The following FAT2 variants were observed in gnomAD, a reference collection of about 807,000 sequenced individuals.
FAT2 encodes FAT atypical cadherin 2, also known as protocadherin Fat 2.
FAT2 carries 150 observed loss-of-function variants against 295.3 expected under a neutral mutation model. The observed-to-expected ratio is 0.51, with a 90% confidence interval of 0.44 to 0.58. The LOEUF (loss-of-function observed/expected upper bound fraction) is 0.58, where lower values mean the gene tolerates loss of function less well. Among genes scored for constraint, FAT2 ranks in the 20% least tolerant of loss-of-function variants. The pLI is 0.00. For missense variants in FAT2, 4,868 were observed against 5,442.7 expected (o/e 0.89, Z 3.32); for synonymous variants, 2,026 against 2,150.3 (o/e 0.94, Z 1.60).
At chr5:151,540,826 C>G (rs2127603169) in intron 10 of FAT2, 63 bp from the exon 11 acceptor site, 1 of 1,453,044 alleles carries the variant, frequency 6.9e-7, no homozygotes, top group Non-Finnish European at 9.3e-7. Flanking sequence ...CTTTGTGTCA[C>G]AGGTGGCTGC....
intron 9 of FAT2, among the ~76,000 whole-genome samples, chr5:151,547,826 G>A (rs188002410): frequency 6.6e-6 from 1 of 152,114 alleles, no homozygotes; most frequent in Admixed American, 6.6e-5. Flanking sequence ...AATATGCATA[G>A]GGGAAGATAA....
chr5:151,556,463 G>A, intron 3 of FAT2, 61 bp from the exon 4 acceptor site: 1 of 1,116,396 alleles, frequency 9.0e-7, no homozygotes, highest in Non-Finnish European at 1.3e-6. Context: ...ACTTTACTGA[G>A]GCAACTTCAA....
At chr5:151,570,162 A>G (rs1444654224) in intron 1 of FAT2, among the ~76,000 whole-genome samples, 1 of 152,236 alleles carries the variant, frequency 6.6e-6, no homozygotes, top group Non-Finnish European at 1.5e-5. Flanking sequence ...CCAGGGCCTT[A>G]TAGCTAGTGG....
intron 10 of FAT2, among the ~76,000 whole-genome samples, chr5:151,541,348 CATTT>C (rs1756119338): frequency 6.6e-6 from 1 of 152,216 alleles, no homozygotes; most frequent in Admixed American, 6.5e-5. Context: ...AACATGTTGA[CATTT>C]ATTACTCTAT....
intron 2 of FAT2, among the ~76,000 whole-genome samples, chr5:151,563,853 C>A (rs1029794349): frequency 2.0e-5 from 3 of 152,310 alleles, no homozygotes; most frequent in Non-Finnish European, 2.9e-5. Flanking sequence ...CCTCTCAGAG[C>A]CTTCCTCTGC....
intron 1 of FAT2, among the ~76,000 whole-genome samples, chr5:151,575,910 T>C (rs982966271): frequency 9.2e-5 from 14 of 152,004 alleles, no homozygotes; most frequent in Non-Finnish European, 4.4e-5. Context: ...AATTGAGGAG[T>C]TGAGTTTTTC....
At position 151,542,509 on chromosome 5, in the gene FAT2, A is replaced by C; in HGVS notation, c.8618T>G (p.Phe2873Cys). ...TCCGTGGTCATAGGCCACCACATGA[A>C]AATGATAAGTCTGGCAGGTCTCACA... ...LDCETCQTYH[F>C]HVVAYDHGQT... Residue 2873 changes from phenylalanine to cysteine, a missense_variant, in exon 10 of 24, where the codon TTT (phenylalanine) becomes TGT (cysteine). By Grantham distance (205) the Phe-to-Cys change is radical. This residue lies in a region of FAT2 where 3,297 missense variants were observed against 3,669.4 expected (regional missense o/e 0.90). Transcript: ENST00000261800. 6.2e-7 allele frequency: 1 copy of C among 1,614,170 alleles called. No homozygotes were observed. The highest frequency in any genetic ancestry group is 8.5e-7 in the Non-Finnish European group (1 of 1,180,022).
intron 22 of FAT2, among the ~76,000 whole-genome samples, chr5:151,508,629 G>A (rs1226512026): frequency 1.3e-5 from 2 of 151,760 alleles, no homozygotes; most frequent in Admixed American, 6.6e-5. Context: ...GGAATGGCTT[G>A]AACCTAGGAG....
At position 151,567,951 on chromosome 5, in the gene FAT2, A is replaced by T. The variant is rs369426724; in HGVS notation, c.981T>A (p.His327Gln). 4.2e-5 allele frequency: 67 copies of T among 1,614,104 alleles called. No individual in the cohort carries two copies. Among genetic ancestry groups the T allele is most frequent in the Non-Finnish European group, 5.3e-5 (63 of 1,180,054 alleles). ...TGGCCTGGAGGCTGAGGTTGAACCC[A>T]TGAAGGTACTCCATCCAGTTGATGT... ...VKDINWMEYL[H>Q]GFNLSLQARS... The change falls in exon 2 of 24, where the codon CAT (histidine) becomes CAA (glutamine). Residue 327 changes from histidine (H) to glutamine (Q), a missense_variant. Physicochemically the swap from His to Gln is conservative, Grantham distance 24. Transcript: ENST00000261800.
intron 19 of FAT2, among the ~76,000 whole-genome samples, chr5:151,518,763 G>A (rs2127576964): frequency 6.6e-6 from 1 of 152,338 alleles, no homozygotes; most frequent in Non-Finnish European, 1.5e-5. Context: ...ATCTTTGACT[G>A]TGGGACACTC....
At chr5:151,572,664 T>TA (rs1188727753) in intron 1 of FAT2, among the ~76,000 whole-genome samples, 1 of 152,270 alleles carries the variant, frequency 6.6e-6, no homozygotes, top group Non-Finnish European at 1.5e-5. Flanking sequence ...CACGTTAATG[T>TA]ACTCAGCACA....
At chr5:151,592,495 A>G (rs909379974), upstream of FAT2, among the ~76,000 whole-genome samples, 1 of 152,104 alleles carries the variant, frequency 6.6e-6, no homozygotes, top group African/African-American at 2.4e-5. Context: ...CTTTGCTTGC[A>G]TACCTCTAAT....
chr5:151,565,447 T>A (rs879316819), intron 2 of FAT2, among the ~76,000 whole-genome samples: 1 of 152,070 alleles, frequency 6.6e-6, no homozygotes, highest in Admixed American at 6.5e-5. Flanking sequence ...ACAGAATATG[T>A]AATATATGTG....
Position 151,553,372 on chromosome 5 carries a change from T to G in FAT2, c.3961A>C (p.Ser1321Arg), listed in dbSNP as rs1327104638. ...CTGGCTGAGAGTGGTGGCTGCCCAC[T>G]GTCTGTTGCCTTGATCTGAAAGGAG... ...YNILTIKATD[S>R]GQPPLSASVR... The change falls in exon 6 of 24, where the codon AGT becomes CGT. Residue 1321 changes from serine to arginine, a missense_variant. Around this residue, in one of 5 missense-constraint regions of FAT2, gnomAD observed 3,297 missense variants for 3,669.4 expected, o/e 0.90. Coordinates refer to ENST00000261800, the MANE Select transcript of FAT2 (RefSeq NM_001447.3). 5 of 1,614,206 alleles carry G rather than the reference T, an allele frequency of 3.1e-6. No homozygotes were observed. The highest frequency in any genetic ancestry group is 3.4e-6 in the Non-Finnish European group (4 of 1,180,030).
At position 151,512,063 on chromosome 5, in the gene FAT2, T is replaced by A; in HGVS notation, c.11905+102A>T. 9.0e-7 allele frequency: 1 copy of A among 1,107,298 alleles called. No individual in the cohort carries two copies. Among genetic ancestry groups the A allele is most frequent in the East Asian group, 2.5e-5 (1 of 39,524 alleles). 68.6% of individuals were successfully genotyped at this position (1,107,298 alleles called of 1,614,324 possible). A position where few individuals can be genotyped will look rare whatever the true frequency, so the allele number is the denominator to read the frequency against. ...ACAAGTTAGGGGAAGAGAGAGAAAT[T>A]TGGAACCAGGAGGCTCTGAGATCTC... On this transcript the variant is annotated intron_variant, in intron 21 of 23. Transcript: ENST00000261800. This position sits in a 1 kb window ranked among gnomAD's most constrained non-coding sequence, Gnocchi z 4.1.
chr5:151,544,718 T>G lies in FAT2; in HGVS notation c.6409A>C (p.Asn2137His), dbSNP rs369226014. The G allele has an allele frequency of 2.8e-5, 45 of 1,614,206 alleles. No homozygotes were observed. Among genetic ancestry groups the G allele is most frequent in the Non-Finnish European group, 3.8e-5 (45 of 1,180,028 alleles). ...LKKPFDYQAL[N>H]KYHLKVIARD... is the part of the protein sequence containing the mutation. ...GCAATGACTTTGAGGTGATATTTAT[T>G]TAAAGCTTGATAATCAAAGGGTTTC... Residue 2137 changes from asparagine to histidine, a missense_variant, in exon 10 of 24, where the codon AAT (asparagine) becomes CAT (histidine). Coordinates refer to ENST00000261800, the MANE Select transcript of FAT2 (RefSeq NM_001447.3).
chr5:151,561,812 T>C (rs552417608), intron 3 of FAT2, among the ~76,000 whole-genome samples: 1 of 152,372 alleles, frequency 6.6e-6, no homozygotes, highest in Admixed American at 6.5e-5. Context: ...TGTTCTACTT[T>C]TGAAAGTGTT....
chr5:151,588,162 T>C (rs927949436), intron 1 of FAT2, among the ~76,000 whole-genome samples: 2 of 152,108 alleles, frequency 1.3e-5, no homozygotes, highest in Non-Finnish European at 2.9e-5. Flanking sequence ...TTGGTGCATG[T>C]TGAGAGAGAG....
chr5:151,527,320 C>T lies in FAT2; in HGVS notation c.10222G>A (p.Glu3408Lys), dbSNP rs770366137. ...ACTTGGATAGCGATGTCTGTGTCCT[C>T]ATGCAGTGGAGGCTGCCCACTGTCT... ...ATDSGQPPLH[E>K]DTDIAIQVAD... is the part of the protein sequence containing the mutation. The change falls in exon 17 of 24, where the codon GAG becomes AAG. Residue 3408 changes from glutamate (E) to lysine (K), a missense_variant. Transcript: ENST00000261800. The T allele has an allele frequency of 7.4e-6, 12 of 1,613,530 alleles. No homozygotes were observed. Among genetic ancestry groups the T allele is most frequent in the Non-Finnish European group, 1.0e-5 (12 of 1,179,804 alleles).
Sources: gnomAD v4.1 joint callset for allele counts (sites outside exome capture counted in the v4.1 genomes callset) on GRCh38, gnomAD v4.1.1 for gene constraint, gnomAD v4.1.1 regional missense constraint, Gnocchi (gnomAD v3.1) non-coding constraint, MANE v1.5 for transcripts, NCBI Gene and HGNC (gene_info 2026-07-23, HGNC 2026-07-21) for gene names.